Variants in MESD observed in about 807,000 individuals in gnomAD.
MESD encodes LRP chaperone MESD.
A neutral mutation model predicts 12.9 loss-of-function variants in MESD; 7 were observed. The ratio of observed to expected loss-of-function variants is 0.54; its 90% CI spans 0.31 to 1.02. The LOEUF (loss-of-function observed/expected upper bound fraction) is 1.02. Ranked by LOEUF, MESD falls within the 50% of genes least tolerant of loss-of-function variation. The pLI is 0.05. For synonymous variants in MESD, 126 were observed against 115.6 expected, an observed-to-expected ratio of 1.09 and a Z score of -0.58; for missense variants, 342 against 296.7, an observed-to-expected ratio of 1.15 and a Z score of -1.12.
chr15:80,951,636 A>C (rs1278730169), intron 4 of MESD: 1 of 152,630 alleles, frequency 6.6e-6, no homozygotes, highest in Non-Finnish European at 1.5e-5. Context: ...CTGTCAGAGA[A>C]ATAAAGAATT....
intron 1 of MESD, 137 bp downstream of exon 1, chr15:80,989,442 G>A: frequency 9.5e-7 from 1 of 1,056,178 alleles, no homozygotes; most frequent in East Asian, 2.5e-5. Flanking sequence ...AGTGGCTTCA[G>A]TGGGTCAGTA....
intron 2 of MESD, 99 bp downstream of exon 2, chr15:80,981,850 TG>T: frequency 1.1e-6 from 1 of 916,656 alleles, no homozygotes; most frequent in Non-Finnish European, 1.6e-6. Flanking sequence ...AGCAAAACTC[TG>T]TCTCAAAAAA....
chr15:80,979,161 C>A lies in MESD; in HGVS notation c.*58G>T. Reference sequence around the variant, plus strand: ...CCTGAGACCACTCCCACCCCAGGAGCTGGGCAAAGAGCTCTCCACGTCCAC... The same window carrying A: ...CCTGAGACCACTCCCACCCCAGGAGATGGGCAAAGAGCTCTCCACGTCCAC... On this transcript the variant is annotated 3_prime_UTR_variant, in exon 3 of 3. Transcript: ENST00000261758. 5.1e-6 allele frequency: 8 copies of A among 1,564,578 alleles called. No individual in the cohort carries two copies. The highest frequency in any genetic ancestry group is 6.9e-6 in the Non-Finnish European group (8 of 1,156,350).
downstream of MESD, among the ~76,000 whole-genome samples, chr15:80,971,418 C>G (rs1902285815): frequency 2.0e-5 from 3 of 152,164 alleles, no homozygotes; most frequent in African/African-American, 7.2e-5. Context: ...AGGCCTTGAC[C>G]TTGGACTGCT....
At chr15:80,964,424 C>G (rs1395820094) in intron 3 of MESD, among the ~76,000 whole-genome samples, 4 of 152,198 alleles carry the variant, frequency 2.6e-5, no homozygotes, top group Non-Finnish European at 5.9e-5. Context: ...CTATCCCCAT[C>G]AAACTACCAC....
chr15:80,965,490 A>T (rs1902159514), intron 3 of MESD, among the ~76,000 whole-genome samples: 2 of 152,246 alleles, frequency 1.3e-5, no homozygotes, highest in African/African-American at 4.8e-5. Flanking sequence ...GTTGCTATAA[A>T]GACACATGCA....
chr15:80,989,379 C>T (rs61021444), intron 1 of MESD, among the ~76,000 whole-genome samples, 200 bp downstream of exon 1: 1 of 151,972 alleles, frequency 6.6e-6, no homozygotes, highest in Non-Finnish European at 1.5e-5. Context: ...TGACAGAGGG[C>T]TGGAGCGAGG....
At chr15:80,951,127 CCTT>C (rs1901801832) in intron 4 of MESD, 1 of 152,676 alleles carries the variant, frequency 6.5e-6, no homozygotes, top group African/African-American at 2.4e-5. Context: ...GACCTCATGT[CCTT>C]CTTGTCCACG....
downstream of MESD, among the ~76,000 whole-genome samples, chr15:80,971,108 G>A (rs1902278789): frequency 6.6e-6 from 1 of 152,182 alleles, no homozygotes; most frequent in Admixed American, 6.5e-5. Flanking sequence ...CCTCACTGGA[G>A]GCTGGTCAAG....
chr15:80,946,672 C>G, downstream of MESD: 3 of 431,778 alleles, frequency 6.9e-6, no homozygotes, highest in South Asian at 4.3e-5. Context: ...CTTACATCCT[C>G]TCCTCTGTTT....
chr15:80,979,313 T>C lies in MESD; in HGVS notation c.611A>G (p.Lys204Arg). 6.2e-7 allele frequency: 1 copy of C among 1,614,138 alleles called. No individual in the cohort carries two copies. The highest frequency in any genetic ancestry group is 8.5e-7 in the Non-Finnish European group (1 of 1,180,018). ...CTTCTTTTTTTTGCCCTTGTCTTGC[T>C]TTGTTTTATTTTTCTCTTTGCTTCC... Reference protein sequence around the residue: ...GGGSKEKNKTKQDKGKKKKEG... With the variant: ...GGGSKEKNKTRQDKGKKKKEG... Residue 204 changes from lysine to arginine, a missense_variant, in exon 3 of 3, where the codon AAG becomes AGG. Physicochemically the swap from Lys to Arg is conservative, Grantham distance 26. Coordinates refer to ENST00000261758, the MANE Select transcript of MESD (RefSeq NM_015154.3).
Position 80,951,981 on chromosome 15 carries a change from T to C in MESD, c.*604A>G, listed in dbSNP as rs114901107. 3.9e-3 allele frequency: 1,246 copies of C among 319,388 alleles called. 20 individuals carry two copies. Among genetic ancestry groups the C allele is most frequent in the African/African-American group, 0.026 (1,174 of 45,964 alleles). 19.8% of individuals were successfully genotyped at this position (319,388 alleles called of 1,614,324 possible). A position where few individuals can be genotyped will look rare whatever the true frequency, so the allele number is the denominator to read the frequency against. On this transcript the variant is annotated 3_prime_UTR_variant, in exon 4 of 5. Coordinates refer to the MESD transcript ENST00000561312. ...TACCTTGCCTTGCCCCAAGGCGGGG[T>C]GTCCATAAGAGCAGGTGGAGATGGT...
At chr15:80,979,731 G>A (rs10519306) in intron 2 of MESD, among the ~76,000 whole-genome samples, 45,524 of 152,104 alleles carry the variant, frequency 0.3, 9,089 homozygotes, top group African/African-American at 0.57. Context: ...ATGGATGCCC[G>A]TGTTAAAAGT....
chr15:80,959,041 C>T (rs372411306), intron 3 of MESD, among the ~76,000 whole-genome samples: 8 of 152,308 alleles, frequency 5.3e-5, no homozygotes, highest in Non-Finnish European at 8.8e-5. Flanking sequence ...CCCCTAAGCC[C>T]GGTGAGAGGC....
chr15:80,947,422 G>A (rs750626029), exon 5 of MESD: 1 of 293,498 alleles, frequency 3.4e-6, no homozygotes, highest in Non-Finnish European at 6.6e-6. Flanking sequence ...AGACTGGCCA[G>A]GGGTCCTGCA....
intron 3 of MESD, among the ~76,000 whole-genome samples, chr15:80,956,768 C>G (rs1326501666): frequency 1.3e-5 from 2 of 152,088 alleles, no homozygotes; most frequent in Non-Finnish European, 1.5e-5. Context: ...AAAACAGATA[C>G]AAGGACGGAG....
intron 3 of MESD, among the ~76,000 whole-genome samples, chr15:80,959,480 G>A (rs1318151921): frequency 6.6e-6 from 1 of 152,164 alleles, no homozygotes; most frequent in Non-Finnish European, 1.5e-5. Flanking sequence ...CTGATAGAAA[G>A]AGGATATAGG....
rs562751427 is a variant in MESD at position 80,965,608 on chromosome 15, G to A, written c.*289-13312C>T. 3.3e-5 allele frequency among the ~76,000 whole-genome samples: 5 copies of A among 152,248 alleles called. No homozygotes were observed. In the South Asian group the frequency reaches 8.3e-4, roughly 25 times the overall value. The stretch of plus-strand genomic sequence containing the variant: ...GAAAATGTGGCACATACACACCATG[G>A]AATACTATGCAGCCATAAAAAAGGA... On this transcript the variant is annotated intron_variant, in intron 3 of 4. Coordinates refer to the MESD transcript ENST00000561312.
At position 80,979,265 on chromosome 15, in the gene MESD, G is replaced by C; in HGVS notation, c.659C>G (p.Ser220Cys). 5 of 1,613,922 alleles carry C rather than the reference G, an allele frequency of 3.1e-6. No individual in the cohort carries two copies. Among genetic ancestry groups the C allele is most frequent in the Non-Finnish European group, 4.2e-6 (5 of 1,180,016 alleles). The change falls in exon 3 of 3, where the codon TCT becomes TGT. Residue 220 changes from serine to cysteine, a missense_variant. Ser to Cys is a moderately radical substitution (Grantham distance 112, BLOSUM62 -1). Transcript: ENST00000261758. ...CCCAGCTCGATTTTCTTCCTTGGAA[G>C]ACCGAGATTTCAGATCTCCTTCCTT... ...KKKEGDLKSRSSKEENRAGNK... is the reference protein window; with the variant it reads ...KKKEGDLKSRCSKEENRAGNK...
Sources: gnomAD v4.1 joint callset for allele counts (sites outside exome capture counted in the v4.1 genomes callset) on GRCh38, gnomAD v4.1.1 for gene constraint, MANE v1.5 for transcripts, NCBI Gene and HGNC (gene_info 2026-07-23, HGNC 2026-07-21) for gene names.